The following PALLD variants were observed in gnomAD, a reference collection of about 807,000 sequenced individuals.
PALLD encodes the protein palladin.
PALLD carries 61 observed loss-of-function variants against 123.5 expected under a neutral mutation model. The observed-to-expected ratio is 0.49, with a 90% CI of 0.40 to 0.61. The LOEUF (loss-of-function observed/expected upper bound fraction) is 0.61, where lower values mean the gene tolerates loss of function less well. Ranked by LOEUF, PALLD falls within the 20% of genes least tolerant of loss-of-function variation. The pLI, the probability that PALLD is intolerant of heterozygous loss-of-function variation, is 0.00. For missense variants in PALLD, 1,273 were observed against 1,377.0 expected (o/e 0.92, Z 1.20); for synonymous variants, 465 against 496.4 (o/e 0.94, Z 0.84).
At chr4:168,511,052 G>A (rs997953710) in intron 1 of PALLD, among the ~76,000 whole-genome samples, 12 of 152,158 alleles carry the variant, frequency 7.9e-5, no homozygotes. Context: ...GTTTAGGGTT[G>A]GATAATCAGA....
intron 2 of PALLD, among the ~76,000 whole-genome samples, chr4:168,639,769 C>T (rs563467706): frequency 6.6e-6 from 1 of 152,130 alleles, no homozygotes; most frequent in Non-Finnish European, 1.5e-5. Flanking sequence ...TGGTCTCGAT[C>T]TTCTGACCTC....
intron 2 of PALLD, among the ~76,000 whole-genome samples, chr4:168,667,086 TTCTGG>T (rs998231645): frequency 6.6e-6 from 1 of 152,230 alleles, no homozygotes; most frequent in African/African-American, 2.4e-5. Context: ...TGAGCATGGT[TTCTGG>T]GGTTGATACT....
intron 1 of PALLD, among the ~76,000 whole-genome samples, chr4:168,501,250 G>T (rs1252339458): frequency 6.6e-6 from 1 of 151,958 alleles, no homozygotes; most frequent in South Asian, 2.1e-4. Flanking sequence ...TATCTCTACA[G>T]AAAATAAAAA....
chr4:168,578,045 T>C (rs1270755525), intron 2 of PALLD, among the ~76,000 whole-genome samples: 1 of 152,082 alleles, frequency 6.6e-6, no homozygotes, highest in Non-Finnish European at 1.5e-5. Context: ...GTGCTTCCTT[T>C]GGATGCAGGA....
At chr4:168,815,088 G>T (rs1417853975) in intron 10 of PALLD, among the ~76,000 whole-genome samples, 1 of 152,172 alleles carries the variant, frequency 6.6e-6, no homozygotes, top group East Asian at 1.9e-4. Flanking sequence ...TAATCTTTTA[G>T]TGACCTCTGC....
At chr4:168,561,892 G>A (rs974138055) in intron 2 of PALLD, among the ~76,000 whole-genome samples, 2 of 151,962 alleles carry the variant, frequency 1.3e-5, no homozygotes, top group South Asian at 2.1e-4. Flanking sequence ...AAGAGCTACC[G>A]TGACTTTTCC....
chr4:168,551,720 A>G (rs774422015), intron 2 of PALLD, among the ~76,000 whole-genome samples: 62 of 152,096 alleles, frequency 4.1e-4, no homozygotes, highest in Non-Finnish European at 7.2e-4. Context: ...AATGTGAATC[A>G]TGTATTTAGA....
At chr4:168,643,264 C>T (rs1247759438) in intron 2 of PALLD, among the ~76,000 whole-genome samples, 3 of 152,146 alleles carry the variant, frequency 2.0e-5, no homozygotes, top group African/African-American at 4.8e-5. Flanking sequence ...AATTCATATC[C>T]GGATTGCATT....
intron 2 of PALLD, among the ~76,000 whole-genome samples, chr4:168,665,974 C>T (rs1263163056): frequency 9.7e-6 from 1 of 103,442 alleles, no homozygotes; most frequent in Non-Finnish European, 1.9e-5. Flanking sequence ...TCCCCGCCCC[C>T]CACCAAAAAA....
intron 2 of PALLD, among the ~76,000 whole-genome samples, chr4:168,540,538 C>G (rs1257712394): frequency 6.6e-6 from 1 of 151,966 alleles, no homozygotes; most frequent in African/African-American, 2.4e-5. Flanking sequence ...TTCAGTTAGA[C>G]AAGAGCCTGG....
intron 2 of PALLD, among the ~76,000 whole-genome samples, chr4:168,521,897 C>T (rs1207421421): frequency 1.3e-5 from 2 of 152,146 alleles, no homozygotes; most frequent in Non-Finnish European, 2.9e-5. Flanking sequence ...TTTTACCTCA[C>T]TTGGCCTTCT....
intron 2 of PALLD, among the ~76,000 whole-genome samples, chr4:168,609,345 C>CGAAA (rs1773507362): frequency 1.4e-5 from 1 of 71,600 alleles, no homozygotes; most frequent in South Asian, 6.8e-4. Context: ...AAGCTGTTAC[C>CGAAA]AAAAAAAAAA....
chr4:168,612,183 C>T (rs923504887), intron 2 of PALLD, among the ~76,000 whole-genome samples: 4 of 151,478 alleles, frequency 2.6e-5, no homozygotes, highest in African/African-American at 9.7e-5. Flanking sequence ...AAAATGTCCA[C>T]CACAGACCTC....
chr4:168,555,139 C>G (rs1026235874), intron 2 of PALLD, among the ~76,000 whole-genome samples: 2 of 152,058 alleles, frequency 1.3e-5, no homozygotes, highest in African/African-American at 4.8e-5. Flanking sequence ...TGTAGATCTA[C>G]TATTATTAAA....
intron 10 of PALLD, among the ~76,000 whole-genome samples, chr4:168,857,428 C>T (rs550277001): frequency 6.6e-6 from 1 of 152,266 alleles, no homozygotes; most frequent in African/African-American, 2.4e-5. Flanking sequence ...TGAGAATAGT[C>T]CTTACGTCAA....
chr4:168,592,548 G>A (rs1031784904), intron 2 of PALLD, among the ~76,000 whole-genome samples: 1 of 152,064 alleles, frequency 6.6e-6, no homozygotes, highest in African/African-American at 2.4e-5. Context: ...ATTGTTAGAA[G>A]ATGCATGCAA....
At chr4:168,562,064 G>A (rs1212164379) in intron 2 of PALLD, among the ~76,000 whole-genome samples, 2 of 150,436 alleles carry the variant, frequency 1.3e-5, no homozygotes, top group Non-Finnish European at 3.0e-5. Flanking sequence ...AAAACTCAGA[G>A]AAGTGGAAAG....
intron 11 of PALLD, among the ~76,000 whole-genome samples, chr4:168,892,464 G>A (rs896334212): frequency 1.3e-5 from 2 of 152,136 alleles, no homozygotes; most frequent in African/African-American, 4.8e-5. Flanking sequence ...GAGGGGTGCT[G>A]AATGCTGATT....
At chr4:168,789,817 T>C (rs1238990811) in intron 10 of PALLD, among the ~76,000 whole-genome samples, 1 of 152,038 alleles carries the variant, frequency 6.6e-6, no homozygotes, top group Admixed American at 6.6e-5. Flanking sequence ...ACTAGCAGAG[T>C]GTACTTACCC....
Sources: gnomAD v4.1 joint callset for allele counts (sites outside exome capture counted in the v4.1 genomes callset) on GRCh38, gnomAD v4.1.1 for gene constraint, MANE v1.5 for transcripts, NCBI Gene and HGNC (gene_info 2026-07-23, HGNC 2026-07-21) for gene names.